ALG13: variants seen among roughly 807,000 people sequenced by gnomAD.
ALG13 encodes the protein UDP-N-acetylglucosamine transferase subunit ALG13.
A neutral mutation model predicts 87.8 loss-of-function variants in ALG13; 11 were observed. The observed-to-expected ratio is 0.13, with a 90% CI of 0.08 to 0.21. The LOEUF is 0.21. ALG13 is among the 10% of genes least tolerant of loss of function. The pLI is 1.00. For synonymous variants in ALG13, 320 were observed against 306.3 expected (o/e 1.04, Z -0.47); for missense variants, 756 against 866.1 (o/e 0.87, Z 1.60).
At chrX:111,736,964 C>A in intron 23 of ALG13, 85 bp downstream of exon 23, 1 of 765,802 alleles carries the variant, frequency 1.3e-6, no homozygotes, top group Non-Finnish European at 1.8e-6. Flanking sequence ...AATTACATAC[C>A]ATTACTTTAA....
At chrX:111,756,880 G>C (rs948207339) in intron 25 of ALG13, among the ~76,000 whole-genome samples, 1 of 111,739 alleles carries the variant, frequency 8.9e-6, no homozygotes, top group Admixed American at 9.5e-5. Flanking sequence ...TTGATAAACC[G>C]CTTGCCCCTT....
intron 23 of ALG13, among the ~76,000 whole-genome samples, chrX:111,737,475 C>T (rs1249166553): frequency 3.6e-5 from 4 of 111,400 alleles, no homozygotes; most frequent in Non-Finnish European, 7.5e-5. Context: ...AAGGTGGTGG[C>T]AACAACAGCA....
rs765734812 is a variant in ALG13 at position 111,727,013 on chromosome X, A to C, written c.1934A>C (p.Gln645Pro). The C allele has an allele frequency of 1.7e-6, 2 of 1,211,408 alleles. No homozygotes were observed. Among genetic ancestry groups the C allele is most frequent in the East Asian group, 3.0e-5 (1 of 33,858 alleles). ...ATGTCTAATGAACATTTTCATCCTC[A>C]GCATCCATCTCCGAGACAAGGTCGG... ...NVMSNEHFHP[Q>P]HPSPRQGRGY... The change falls in exon 16 of 27, where the codon CAG (glutamine) becomes CCG (proline). Residue 645 changes from glutamine (Q) to proline (P), a missense_variant. Gln to Pro is a moderately conservative substitution (Grantham distance 76). Coordinates refer to ENST00000394780, the MANE Select transcript of ALG13 (RefSeq NM_001099922.3).
chrX:111,757,328 CT>C (rs1262881021), intron 25 of ALG13: 2 of 268,454 alleles, frequency 7.5e-6, no homozygotes, highest in East Asian at 1.1e-4. Context: ...TAAAAGACAC[CT>C]TTGTATACAG....
chrX:111,683,007 CT>C (rs1200176627), intron 2 of ALG13, among the ~76,000 whole-genome samples: 152 of 101,702 alleles, frequency 1.5e-3, no homozygotes, highest in Non-Finnish European at 1.8e-3. Context: ...TTTTTCCTTT[CT>C]TTTTTTTTTT....
rs1038416239 is a variant in ALG13 at position 111,723,679 on chromosome X, T to C, written c.1501-119T>C. ...TGTCTCCATTGATCCAGACTGGCAG[T>C]GTTGATACGAATTACTTTAAAAAGT... On this transcript the variant is annotated intron_variant, in intron 13 of 26. Coordinates refer to ENST00000394780, the MANE Select transcript of ALG13 (RefSeq NM_001099922.3). The C allele has an allele frequency of 4.6e-5, 21 of 456,755 alleles. No individual in the cohort carries two copies. In the Admixed American group the frequency reaches 6.8e-4, roughly 15 times the overall value. The allele number at this position is 456,755 out of a possible 1,213,427, so 37.6% of individuals were successfully genotyped here. A position where few individuals can be genotyped will look rare whatever the true frequency, so the allele number is the denominator to read the frequency against.
Position 111,726,846 on chromosome X carries a change from G to A in ALG13, c.1767G>A (p.Met589Ile). The change falls in exon 16 of 27, where the codon ATG (methionine) becomes ATA (isoleucine). Residue 589 changes from methionine (M) to isoleucine (I), a missense_variant. Met to Ile is a conservative substitution (Grantham distance 10). Coordinates refer to ENST00000394780, the MANE Select transcript of ALG13 (RefSeq NM_001099922.3). Reference sequence around the variant, plus strand: ...TGGACATAAAGCAACAGAAGAAGATGTTCAAGAAAATTCGAGGGAAAGAAG... The same window carrying A: ...TGGACATAAAGCAACAGAAGAAGATATTCAAGAAAATTCGAGGGAAAGAAG... Reference protein sequence around the residue: ...SEMDIKQQKKMFKKIRGKEVY... With the variant: ...SEMDIKQQKKIFKKIRGKEVY... The A allele has an allele frequency of 1.7e-6, 2 of 1,210,932 alleles. No individual in the cohort carries two copies. The highest frequency in any genetic ancestry group is 4.4e-5 in the Admixed American group (2 of 45,966).
intron 3 of ALG13, among the ~76,000 whole-genome samples, chrX:111,692,825 GTC>G (rs1273154092): frequency 9.0e-5 from 10 of 111,667 alleles, no homozygotes; most frequent in African/African-American, 3.3e-4. Flanking sequence ...TTGAGACAGG[GTC>G]TCTCTGTCAC....
intron 23 of ALG13, 110 bp downstream of exon 23, chrX:111,736,989 T>C: frequency 1.5e-6 from 1 of 673,072 alleles, no homozygotes; most frequent in Non-Finnish European, 2.1e-6. Context: ...CAGAATTAAA[T>C]TTATTTAACC....
At chrX:111,681,825 A>T (rs1314454725) in intron 1 of ALG13, 1 of 860,491 alleles carries the variant, frequency 1.2e-6, no homozygotes, top group African/African-American at 2.1e-5. Flanking sequence ...GCAGTTGATC[A>T]AGTGAGGCAG....
chrX:111,694,432 T>C (rs1936670678), intron 3 of ALG13, among the ~76,000 whole-genome samples: 1 of 112,482 alleles, frequency 8.9e-6, no homozygotes, highest in Non-Finnish European at 1.9e-5. Flanking sequence ...AAACTAACCT[T>C]AATATTCTTA....
At chrX:111,699,078 A>T (rs963359731) in intron 3 of ALG13, among the ~76,000 whole-genome samples, 1 of 111,716 alleles carries the variant, frequency 9.0e-6, no homozygotes, top group Non-Finnish European at 1.9e-5. Context: ...TGATAATCTC[A>T]TGTTTTGATT....
In ALG13 at chrX:111,752,812, T is replaced by C. The variant is rs753725408; in HGVS notation, c.2955T>C (p.Tyr985=). Residue 985 remains tyrosine, a synonymous_variant, in exon 25 of 27, where the codon TAT becomes TAC. Coordinates refer to ENST00000394780, the MANE Select transcript of ALG13 (RefSeq NM_001099922.3). ...LPQDTKVLQY[Y]FNLGLQCYYH... is the part of the protein sequence containing the mutation. ...TAGATACAAAAGTTTTGCAGTACTA[T>C]TTCAATCTAGGATTGCAGGTAAGTG... is the stretch of plus-strand genomic sequence containing the variant. 1.7e-6 allele frequency: 2 copies of C among 1,195,122 alleles called. No homozygotes were observed. Among genetic ancestry groups the C allele is most frequent in the Non-Finnish European group, 2.3e-6 (2 of 884,022 alleles).
In ALG13 at chrX:111,711,711, T is replaced by C. The variant is rs758789016; in HGVS notation, c.871T>C (p.Leu291=). ...EGSFEKYLER[L]GDPKESAGQL... ...ATCTTTTGAGAAATACCTGGAACGG[T>C]TGGGAGATCCCAAGGTAAGATCAAA... Residue 291 remains leucine, a synonymous_variant, in exon 6 of 27, where the codon TTG becomes CTG. Coordinates refer to ENST00000394780, the MANE Select transcript of ALG13 (RefSeq NM_001099922.3). 4 of 1,206,703 alleles carry C rather than the reference T, an allele frequency of 3.3e-6. No homozygotes were observed. Among genetic ancestry groups the C allele is most frequent in the East Asian group, 3.0e-5 (1 of 33,688 alleles).
At chrX:111,735,549 C>A (rs1286154999) in intron 22 of ALG13, among the ~76,000 whole-genome samples, 1 of 111,012 alleles carries the variant, frequency 9.0e-6, no homozygotes. Context: ...AGAACAGAGC[C>A]CATGGATTAT....
chrX:111,727,053 C>T lies in ALG13; in HGVS notation c.1974C>T (p.Pro658=), dbSNP rs1602746013. 2 of 1,210,368 alleles carry T rather than the reference C, an allele frequency of 1.7e-6. No homozygotes were observed. The highest frequency in any genetic ancestry group is 2.3e-4 in the Middle Eastern group (1 of 4,348). Residue 658 remains proline, a splice_region_variant and synonymous_variant, in exon 16 of 27, where the codon CCC becomes CCT. Transcript: ENST00000394780. The stretch of plus-strand genomic sequence containing the variant: ...GACAAGGTCGGGGATATGGGATGCC[C>T]AGGTAAGACATTGACAGATTTGTAT... ...SPRQGRGYGM[P]RNSSRFINRH...
Position 111,735,099 on chromosome X carries a change from A to G in ALG13, c.2506A>G (p.Thr836Ala). 8.4e-7 allele frequency: 1 copy of G among 1,185,383 alleles called. No homozygotes were observed. The highest frequency in any genetic ancestry group is 1.7e-5 in the African/African-American group (1 of 57,313). ...TTCTATGTCTCCTCAGGACACAGTT[A>G]CCTCATACAACTACCCCCAGAAGGT... ...SCSMSPQDTV[T>A]SYNYPQKMMG... Residue 836 changes from threonine to alanine, a missense_variant, in exon 22 of 27, where the codon ACC becomes GCC. By Grantham distance (58) the Thr-to-Ala change is moderately conservative (BLOSUM62 0). Coordinates refer to ENST00000394780, the MANE Select transcript of ALG13 (RefSeq NM_001099922.3).
intron 8 of ALG13, among the ~76,000 whole-genome samples, chrX:111,716,751 C>G (rs1379196126): frequency 9.0e-6 from 1 of 111,067 alleles, no homozygotes; most frequent in East Asian, 2.8e-4. Flanking sequence ...GAAGTTAGCC[C>G]AGGGAAGAGT....
chrX:111,681,996 A>G, intron 1 of ALG13, 136 bp from the exon 2 acceptor site: 1 of 870,296 alleles, frequency 1.1e-6, no homozygotes, highest in East Asian at 3.7e-5. Flanking sequence ...TTGAAAACTA[A>G]GTGAAATCGG....
Sources: allele counts gnomAD v4.1 joint callset (sites outside exome capture counted in the v4.1 genomes callset), GRCh38; gene constraint gnomAD v4.1.1; transcripts MANE v1.5; gene names NCBI Gene and HGNC (gene_info 2026-07-23, HGNC 2026-07-21).